The following CELF1 variants were observed in gnomAD, a reference collection of about 807,000 sequenced individuals.
CELF1 encodes the protein 50 kDa nuclear polyadenylated RNA-binding protein.
CELF1 carries 10 observed loss-of-function variants against 61.8 expected under a neutral mutation model. That is an observed-to-expected ratio of 0.16 (90% confidence interval 0.10 to 0.27). The LOEUF is 0.27. CELF1 is among the 10% of genes least tolerant of loss of function. The probability of loss-of-function intolerance (pLI) is 1.00; values close to 1 mark genes in which losing one functional copy is unlikely to be tolerated. For missense variants in CELF1, 380 were observed against 639.1 expected (o/e 0.59, Z 4.37); for synonymous variants, 236 against 225.1 (o/e 1.05, Z -0.43).
At chr11:47,482,630 G>T in intron 9 of CELF1, 65 bp downstream of exon 9, 1 of 1,491,932 alleles carries the variant, frequency 6.7e-7, no homozygotes, top group East Asian at 2.3e-5. Flanking sequence ...GTTGGCTAGG[G>T]ACAGCAGAAG....
At chr11:47,534,122 T>C (rs370322485) in intron 1 of CELF1, among the ~76,000 whole-genome samples, 2 of 145,494 alleles carry the variant, frequency 1.4e-5, no homozygotes, top group South Asian at 4.6e-4. Flanking sequence ...TCCGCCTCCT[T>C]AGTTCAAACT....
rs371901604 is a variant in CELF1 at position 47,502,095 on chromosome 11, A to C, written c.-153-1163T>G. On this transcript the variant is annotated intron_variant, in intron 1 of 14. Transcript: ENST00000687097. ...AAATATGATTTAGAGTAATGTCTTAAAATCATTTTTTCCCAGTCATAGAAC... is the reference window on the plus strand; with the variant it reads ...AAATATGATTTAGAGTAATGTCTTACAATCATTTTTTCCCAGTCATAGAAC... Among the ~76,000 whole-genome samples, 165 of 152,314 alleles carry C rather than the reference A, an allele frequency of 1.1e-3. 2 individuals are homozygous for C. The highest frequency in any genetic ancestry group is 3.9e-3 in the African/African-American group (161 of 41,574).
intron 1 of CELF1, among the ~76,000 whole-genome samples, chr11:47,548,107 T>C (rs1389083216): frequency 6.6e-6 from 1 of 152,052 alleles, no homozygotes; most frequent in Non-Finnish European, 1.5e-5. Context: ...AAGACCAGCC[T>C]GGCCAAGATG....
chr11:47,483,123 G>A (rs1475044902), intron 8 of CELF1, among the ~76,000 whole-genome samples: 2 of 151,928 alleles, frequency 1.3e-5, no homozygotes, highest in African/African-American at 4.8e-5. Flanking sequence ...AATTAACTGG[G>A]CGTGCTGGTG....
At chr11:47,533,454 T>C (rs1050951519) in intron 1 of CELF1, among the ~76,000 whole-genome samples, 2 of 151,824 alleles carry the variant, frequency 1.3e-5, no homozygotes. Context: ...AAACCCCCTC[T>C]CTACTAAAAT....
chr11:47,546,100 C>T (rs1281313275), intron 1 of CELF1, among the ~76,000 whole-genome samples: 4 of 151,368 alleles, frequency 2.6e-5, no homozygotes, highest in South Asian at 4.2e-4. Flanking sequence ...TTAGTAGAGA[C>T]GGGGTTTCAC....
At chr11:47,557,311 C>T (rs1010858065), upstream of CELF1, among the ~76,000 whole-genome samples, 3 of 150,658 alleles carry the variant, frequency 2.0e-5, no homozygotes, top group South Asian at 2.1e-4. Context: ...CTCCCCCTCC[C>T]GGGTTCAAGC....
rs1406845354 is a variant in CELF1 at position 47,468,370 on chromosome 11, T to C, written c.*3860A>G. On this transcript the variant is annotated 3_prime_UTR_variant, in exon 15 of 15. Transcript: ENST00000687097. ...GTCTCCTCAAGCCCCACAGACTGTA[T>C]CAGCAAAATGTGCTCAGGAGCCTCA... 1 of 152,368 alleles carries C rather than the reference T, an allele frequency of 6.6e-6. No individual in the cohort carries two copies. The highest frequency in any genetic ancestry group is 1.9e-4 in the East Asian group (1 of 5,204). The allele number at this position is 152,368 out of a possible 1,614,324, so 9.4% of individuals were successfully genotyped here.
Position 47,505,657 on chromosome 11 carries a change from A to T in CELF1, c.-153-4725T>A, listed in dbSNP as rs2153574326. 2.0e-5 allele frequency among the ~76,000 whole-genome samples: 3 copies of T among 149,220 alleles called. No individual in the cohort carries two copies. In the South Asian group the frequency reaches 6.4e-4, roughly 32 times the overall value. ...GACTCTGTCTCCAAAAAAAAAAAAA[A>T]ATCAGTATGTTAGCCGGGCACAGTG... On this transcript the variant is annotated intron_variant, in intron 1 of 14. Coordinates refer to ENST00000687097, the MANE Select transcript of CELF1 (RefSeq NM_001376376.1).
chr11:47,482,513 CAT>C, intron 9 of CELF1, 180 bp downstream of exon 9: 2 of 465,564 alleles, frequency 4.3e-6, no homozygotes, highest in Non-Finnish European at 7.5e-6. Context: ...TCCAGAGATA[CAT>C]ATATATAGAG....
chr11:47,470,880 G>A lies in CELF1; in HGVS notation c.*1350C>T, dbSNP rs772131816. ...GCTGTGTGGGTCACAGGCAAGAGCT[G>A]AAGTAAGACCTGCAAGAGGCGGCAG... On this transcript the variant is annotated 3_prime_UTR_variant, in exon 15 of 15. Coordinates refer to ENST00000687097, the MANE Select transcript of CELF1 (RefSeq NM_001376376.1). 6.6e-6 allele frequency: 1 copy of A among 152,260 alleles called. No individual in the cohort carries two copies. The highest frequency in any genetic ancestry group is 1.5e-5 in the Non-Finnish European group (1 of 68,094). 9.4% of individuals were successfully genotyped at this position (152,260 alleles called of 1,614,324 possible).
intron 3 of CELF1, among the ~76,000 whole-genome samples, chr11:47,489,977 T>C (rs1712566101): frequency 8.3e-6 from 1 of 120,656 alleles, no homozygotes; most frequent in Admixed American, 9.5e-5. Context: ...TCACTCTTGT[T>C]GCCCAGGCTG....
chr11:47,554,931 T>G (rs750605083), upstream of CELF1, among the ~76,000 whole-genome samples: 12 of 152,196 alleles, frequency 7.9e-5, no homozygotes, highest in Non-Finnish European at 1.8e-4. Flanking sequence ...CTCAAAGTGC[T>G]GGGATTACAG....
In CELF1 at chr11:47,477,286, C is replaced by T; in HGVS notation, c.973+11G>A. 6.2e-7 allele frequency: 1 copy of T among 1,613,938 alleles called. No homozygotes were observed. Among genetic ancestry groups the T allele is most frequent in the Non-Finnish European group, 8.5e-7 (1 of 1,179,880 alleles). ...GCACATAATGGCACACTGGGTCATC[C>T]TCATGCTTACCTGAACTAGTGAGCA... On this transcript the variant is annotated intron_variant, in intron 11 of 14. Transcript: ENST00000687097.
chr11:47,543,170 G>A (rs113459934), intron 1 of CELF1, among the ~76,000 whole-genome samples: 13,601 of 152,010 alleles, frequency 0.089, 887 homozygotes, highest in South Asian at 0.11. Context: ...TTGGGAGGCC[G>A]AGGCAGGAGG....
At chr11:47,557,702 T>G (rs1239171906), upstream of CELF1, 1 of 149,070 alleles carries the variant, frequency 6.7e-6, no homozygotes, top group African/African-American at 2.5e-5. Flanking sequence ...GGTCACGATG[T>G]TGATGCAGAA....
At chr11:47,546,430 C>T (rs903570362) in intron 1 of CELF1, among the ~76,000 whole-genome samples, 4 of 151,724 alleles carry the variant, frequency 2.6e-5, no homozygotes, top group Non-Finnish European at 5.9e-5. Flanking sequence ...CCACACCTGG[C>T]TAATTGTGTA....
At position 47,518,440 on chromosome 11, in the gene CELF1, C is replaced by G. The variant is rs115760270; in HGVS notation, c.-153-17508G>C. ...GACAGGGTGAGATAATATGTCAAAA[C>G]AAGTTCTATAAATACAGCTTTTGGC... On this transcript the variant is annotated intron_variant, in intron 1 of 14. Coordinates refer to ENST00000687097, the MANE Select transcript of CELF1 (RefSeq NM_001376376.1). 1.5e-3 allele frequency among the ~76,000 whole-genome samples: 228 copies of G among 152,306 alleles called. 2 individuals are homozygous for G. The highest frequency in any genetic ancestry group is 5.3e-3 in the African/African-American group (222 of 41,578).
intron 3 of CELF1, among the ~76,000 whole-genome samples, chr11:47,497,643 C>T (rs575292729): frequency 3.9e-4 from 59 of 152,318 alleles, no homozygotes; most frequent in Non-Finnish European, 5.7e-4. Flanking sequence ...ACAATCCATT[C>T]CCCGACTGAC....
Sources: allele counts gnomAD v4.1 joint callset (sites outside exome capture counted in the v4.1 genomes callset), GRCh38; gene constraint gnomAD v4.1.1; transcripts MANE v1.5; gene names NCBI Gene and HGNC (gene_info 2026-07-23, HGNC 2026-07-21).